Variants in DEPTOR observed in about 807,000 individuals in gnomAD.
DEPTOR encodes DEP domain-containing mTOR-interacting protein.
DEPTOR carries 41 observed loss-of-function variants against 41.6 expected under a neutral mutation model. The ratio of observed to expected loss-of-function variants is 0.98; its 90% CI spans 0.77 to 1.28. DEPTOR has a LOEUF of 1.28. Ranked by LOEUF, DEPTOR falls within the 50% of genes most tolerant of loss-of-function variation. The pLI is 0.00. For missense variants in DEPTOR, 514 were observed against 527.9 expected (o/e 0.97, Z 0.26); for synonymous variants, 195 against 192.3 (o/e 1.01, Z -0.12).
rs112664292 is a variant in DEPTOR at position 119,967,223 on chromosome 8, C to T, written c.604+1813C>T. 3.4e-3 allele frequency among the ~76,000 whole-genome samples: 518 copies of T among 151,838 alleles called. 3 individuals carry two copies. Among genetic ancestry groups the T allele is most frequent in the African/African-American group, 0.012 (499 of 41,432 alleles). The stretch of plus-strand genomic sequence containing the variant: ...CCTTCCGAGTTGCTGAGATTACAGA[C>T]GTGCACCACAACACCCAGATAATTT... On this transcript the variant is annotated intron_variant, in intron 4 of 8. Transcript: ENST00000286234.
At chr8:120,020,051 C>A (rs996190838) in intron 8 of DEPTOR, among the ~76,000 whole-genome samples, 1 of 150,138 alleles carries the variant, frequency 6.7e-6, no homozygotes, top group Non-Finnish European at 1.5e-5. Flanking sequence ...TCTCTGACTT[C>A]TCCTGCCAGT....
In DEPTOR at chr8:120,034,493, G is replaced by C. The variant is rs1812946428; in HGVS notation, c.1102-15083G>C. ...GATGGAGTCTTGCTCTGCTGCCCAG[G>C]CTGGAGTGCAGTGGCGCAATCTCAG... On this transcript the variant is annotated intron_variant, in intron 8 of 8. Coordinates refer to ENST00000286234, the MANE Select transcript of DEPTOR (RefSeq NM_022783.4). Among the ~76,000 whole-genome samples the C allele has an allele frequency of 3.1e-5, 4 of 129,602 alleles. No individual in the cohort carries two copies. The Admixed American group carries it at 4.1e-4, about 13-fold the overall frequency. 85.0% of individuals were successfully genotyped at this position (129,602 alleles called of 152,430 possible).
chr8:119,968,316 C>T (rs965005067), intron 4 of DEPTOR, among the ~76,000 whole-genome samples: 1 of 151,418 alleles, frequency 6.6e-6, no homozygotes, highest in Non-Finnish European at 1.5e-5. Context: ...ATGAGAGCTA[C>T]CTTCTTTTAT....
intron 3 of DEPTOR, among the ~76,000 whole-genome samples, chr8:119,932,487 C>G (rs886580110): frequency 6.6e-6 from 1 of 152,192 alleles, no homozygotes; most frequent in South Asian, 2.1e-4. Context: ...GTTGGATCTC[C>G]CTTCCATCCT....
chr8:120,000,985 G>C (rs1167089547), intron 4 of DEPTOR, among the ~76,000 whole-genome samples: 2 of 151,916 alleles, frequency 1.3e-5, no homozygotes, highest in Non-Finnish European at 2.9e-5. Flanking sequence ...GCTGAGACAG[G>C]AGAATCGCTT....
chr8:119,890,374 C>T (rs1328344999), intron 1 of DEPTOR, among the ~76,000 whole-genome samples: 2 of 152,056 alleles, frequency 1.3e-5, no homozygotes, highest in African/African-American at 4.8e-5. Context: ...ACAATCTTGG[C>T]TCACTGCAAC....
chr8:120,026,003 T>A (rs1812791018), intron 8 of DEPTOR, among the ~76,000 whole-genome samples: 1 of 138,270 alleles, frequency 7.2e-6, no homozygotes, highest in South Asian at 2.4e-4. Context: ...TTTTTTTTTC[T>A]GAGACCGAGT....
intron 1 of DEPTOR, chr8:119,874,346 G>A (rs886219236): frequency 1.8e-5 from 5 of 275,020 alleles, no homozygotes; most frequent in Non-Finnish European, 3.4e-5. Context: ...GAGAGCAAGA[G>A]GGGTCGCTGT....
intron 1 of DEPTOR, among the ~76,000 whole-genome samples, chr8:119,927,562 CATATATACATAT>C (rs888264008): frequency 6.8e-6 from 1 of 147,372 alleles, no homozygotes; most frequent in Admixed American, 6.8e-5. Context: ...GCTCAAGACA[CATATATACATAT>C]ATATATACAT....
At chr8:119,980,756 G>T (rs1016309073) in intron 4 of DEPTOR, among the ~76,000 whole-genome samples, 1 of 151,974 alleles carries the variant, frequency 6.6e-6, no homozygotes, top group Non-Finnish European at 1.5e-5. Context: ...GACCTCAGGT[G>T]ATCCACCCGC....
chr8:119,962,528 A>G (rs1361603535), intron 3 of DEPTOR, among the ~76,000 whole-genome samples: 1 of 152,144 alleles, frequency 6.6e-6, no homozygotes, highest in Admixed American at 6.6e-5. Flanking sequence ...GGGGCATGGT[A>G]TGTTTGAGGA....
intron 3 of DEPTOR, among the ~76,000 whole-genome samples, chr8:119,940,150 G>A (rs1211450941): frequency 6.6e-6 from 1 of 152,030 alleles, no homozygotes; most frequent in Non-Finnish European, 1.5e-5. Flanking sequence ...GCAGGAGGTG[G>A]AGGTTGCAGT....
chr8:119,916,310 G>T (rs1438682995), intron 1 of DEPTOR, among the ~76,000 whole-genome samples: 4 of 144,020 alleles, frequency 2.8e-5, no homozygotes, highest in African/African-American at 1.0e-4. Flanking sequence ...TTTAGAAATG[G>T]GGGTTTCACC....
At chr8:120,019,674 C>A (rs978405901) in intron 8 of DEPTOR, among the ~76,000 whole-genome samples, 1 of 152,222 alleles carries the variant, frequency 6.6e-6, no homozygotes, top group South Asian at 2.1e-4. Flanking sequence ...TGCAGGGCCC[C>A]TCATGCCGGT....
At chr8:119,924,060 A>G (rs1201423395) in intron 1 of DEPTOR, among the ~76,000 whole-genome samples, 1 of 152,164 alleles carries the variant, frequency 6.6e-6, no homozygotes, top group Non-Finnish European at 1.5e-5. Context: ...CACCTTCCTA[A>G]GTCATCTCAG....
Position 120,037,266 on chromosome 8 carries a change from C to T in DEPTOR, c.1102-12310C>T, listed in dbSNP as rs189302453. 3.3e-5 allele frequency among the ~76,000 whole-genome samples: 5 copies of T among 152,210 alleles called. No homozygotes were observed. In the East Asian group the frequency reaches 7.7e-4, roughly 23 times the overall value. ...GTTGATCCTCATAATAAACTTGATCCCCATTTTACAGATGAGTAAATTATA... is the reference window on the plus strand; with the variant it reads ...GTTGATCCTCATAATAAACTTGATCTCCATTTTACAGATGAGTAAATTATA... On this transcript the variant is annotated intron_variant, in intron 8 of 8. Transcript: ENST00000286234.
At chr8:119,917,033 G>A (rs1827823474) in intron 1 of DEPTOR, among the ~76,000 whole-genome samples, 1 of 152,194 alleles carries the variant, frequency 6.6e-6, no homozygotes, top group African/African-American at 2.4e-5. Flanking sequence ...GGCCTCCAAA[G>A]TGCTGGGATT....
chr8:119,912,795 T>G (rs896043579), intron 1 of DEPTOR, among the ~76,000 whole-genome samples: 4 of 152,246 alleles, frequency 2.6e-5, no homozygotes, highest in African/African-American at 9.6e-5. Flanking sequence ...GTAGATCTTT[T>G]CAGTACAAAA....
chr8:119,894,368 G>A (rs1414210304), intron 1 of DEPTOR, among the ~76,000 whole-genome samples: 3 of 103,188 alleles, frequency 2.9e-5, no homozygotes, highest in Admixed American at 1.2e-4. Context: ...ACTGCACCTG[G>A]CCTCTAATAG....
Sources: gnomAD v4.1 joint callset for allele counts (sites outside exome capture counted in the v4.1 genomes callset) on GRCh38, gnomAD v4.1.1 for gene constraint, MANE v1.5 for transcripts, NCBI Gene and HGNC (gene_info 2026-07-23, HGNC 2026-07-21) for gene names.